The following GAGE10 variants were observed in gnomAD, a reference collection of about 807,000 sequenced individuals.
GAGE10 encodes G antigen 10.
In GAGE10, 9 loss-of-function variants were observed where a neutral mutation model predicts 11.5. That is an observed-to-expected ratio of 0.78 (90% CI 0.47 to 1.37). GAGE10 has a LOEUF of 1.37. GAGE10 is among the 40% of genes most tolerant of loss of function. The probability of loss-of-function intolerance (pLI) is 0.00; values close to 1 mark genes in which losing one functional copy is unlikely to be tolerated. For synonymous variants in GAGE10, 23 were observed against 29.7 expected (o/e 0.77, Z 0.73); for missense variants, 83 against 92.9 (o/e 0.89, Z 0.44).
chrX:49,314,664 C>T (rs1209171918), intron 3 of GAGE10, among the ~76,000 whole-genome samples: 4 of 112,020 alleles, frequency 3.6e-5, no homozygotes, highest in Admixed American at 9.5e-5. Flanking sequence ...ATTTCGGGTC[C>T]GTAAGTCATT....
intron 4 of GAGE10, 130 bp downstream of exon 4, chrX:49,317,418 G>T: frequency 9.9e-7 from 1 of 1,011,423 alleles, no homozygotes; most frequent in Non-Finnish European, 1.3e-6. Flanking sequence ...TGGCATCTCG[G>T]CTCATTGGAA....
intron 3 of GAGE10, among the ~76,000 whole-genome samples, chrX:49,308,501 A>T (rs190337165): frequency 8.9e-6 from 1 of 112,183 alleles, no homozygotes. Context: ...GTAAGGAGAA[A>T]GGGCCCAAGG....
At chrX:49,315,351 A>G (rs1557125113) in intron 3 of GAGE10, among the ~76,000 whole-genome samples, 1 of 112,164 alleles carries the variant, frequency 8.9e-6, no homozygotes, top group East Asian at 2.8e-4. Context: ...GTCAAAAAGG[A>G]TGTAGACATA....
intron 3 of GAGE10, among the ~76,000 whole-genome samples, chrX:49,316,292 T>C (rs1303037823): frequency 1.8e-5 from 2 of 111,977 alleles, no homozygotes; most frequent in African/African-American, 6.5e-5. Context: ...AAACATGTTG[T>C]TCCTTGAAAA....
chrX:49,305,000 T>A (rs1344925319), intron 2 of GAGE10, 60 bp downstream of exon 2: 1 of 1,128,794 alleles, frequency 8.9e-7, no homozygotes, highest in Non-Finnish European at 1.2e-6. Context: ...TTTGTGACAG[T>A]ATTGTTGCAT....
intron 3 of GAGE10, among the ~76,000 whole-genome samples, chrX:49,309,537 T>C (rs1415390001): frequency 1.8e-5 from 2 of 112,503 alleles, no homozygotes; most frequent in Non-Finnish European, 3.8e-5. Context: ...CCAGCTGCTC[T>C]GACGGCTACA....
Position 49,317,535 on chromosome X carries a change from A to G in GAGE10, c.328+247A>G, listed in dbSNP as rs781902104. Among the ~76,000 whole-genome samples the G allele has an allele frequency of 2.7e-5, 3 of 111,311 alleles. No individual in the cohort carries two copies. The South Asian group carries it at 1.1e-3, about 42-fold the overall frequency. ...GCTAATTTTTGTATTTTTAGTAGAG[A>G]CAGGGTTTCATTATGTTGCACAGGT... On this transcript the variant is annotated intron_variant, in intron 4 of 4. Transcript: ENST00000407599.
At chrX:49,314,968 G>A (rs782648090) in intron 3 of GAGE10, among the ~76,000 whole-genome samples, 1 of 112,047 alleles carries the variant, frequency 8.9e-6, no homozygotes, top group Non-Finnish European at 1.9e-5. Context: ...TTCACAGAGA[G>A]AGTAGGAGAA....
chrX:49,313,702 G>A (rs1250298403), intron 3 of GAGE10, among the ~76,000 whole-genome samples: 1 of 111,855 alleles, frequency 8.9e-6, no homozygotes, highest in African/African-American at 3.3e-5. Flanking sequence ...AGTTGCAGGT[G>A]TCACACCTTG....
At chrX:49,316,963 G>C (rs2066394052) in intron 3 of GAGE10, among the ~76,000 whole-genome samples, 200 bp from the exon 4 acceptor site, 2 of 111,078 alleles carry the variant, frequency 1.8e-5, no homozygotes, top group South Asian at 7.8e-4. Flanking sequence ...TGGAAAGGAA[G>C]AGGGTAATAT....
At chrX:49,317,434 G>T (rs1458476809) in intron 4 of GAGE10, 146 bp downstream of exon 4, 17 of 962,435 alleles carry the variant, frequency 1.8e-5, no homozygotes, top group East Asian at 1.1e-4. Context: ...TGGAAATTCC[G>T]CCTTCTGGGT....
intron 3 of GAGE10, among the ~76,000 whole-genome samples, chrX:49,310,761 C>CCG (rs1569531525): frequency 2.7e-5 from 3 of 110,558 alleles, no homozygotes; most frequent in African/African-American, 1.0e-4. Context: ...TTAGCCCCCC[C>CCG]CCACAAAGAA....
intron 3 of GAGE10, among the ~76,000 whole-genome samples, chrX:49,310,733 C>A (rs1458577384): frequency 9.5e-6 from 1 of 105,586 alleles, no homozygotes; most frequent in African/African-American, 3.9e-5. Context: ...GCTGATTTCT[C>A]TGTGGTAACC....
intron 2 of GAGE10, 123 bp downstream of exon 2, chrX:49,305,063 C>T (rs1427928388): frequency 6.0e-6 from 6 of 1,001,383 alleles, no homozygotes; most frequent in Non-Finnish European, 8.1e-6. Flanking sequence ...ATGATGATGG[C>T]GTCTCATGAA....
intron 3 of GAGE10, among the ~76,000 whole-genome samples, chrX:49,316,005 G>A (rs1557125181): frequency 8.9e-6 from 1 of 112,036 alleles, no homozygotes; most frequent in Non-Finnish European, 1.9e-5. Flanking sequence ...GCAAATAATG[G>A]TGCTTGCTAT....
In GAGE10 at chrX:49,317,278, G is replaced by T. The variant is rs1569531604; in HGVS notation, c.318G>T (p.Arg106Ser). ...TGCCAAATCCAGAGGAGGTGAAAAG[G>T]CCTGAAGAAGGTAGGGAATCCATTA... Reference protein sequence around the residue: ...MGLPNPEEVKRPEEGEKQSQC With the variant: ...MGLPNPEEVKSPEEGEKQSQC Residue 106 changes from arginine to serine, a missense_variant, in exon 4 of 5, where the codon AGG (arginine) becomes AGT (serine). Arg to Ser is a moderately radical substitution (Grantham distance 110). This residue lies in a region of GAGE10 where 66 missense variants were observed against 35.4 expected (regional missense o/e 1.87). Coordinates refer to ENST00000407599, the MANE Select transcript of GAGE10 (RefSeq NM_001098413.4). 2 of 1,205,896 alleles carry T rather than the reference G, an allele frequency of 1.7e-6. No homozygotes were observed. The highest frequency in any genetic ancestry group is 2.2e-6 in the Non-Finnish European group (2 of 891,928).
chrX:49,307,543 A>G (rs1557124299), intron 3 of GAGE10, among the ~76,000 whole-genome samples: 1 of 109,387 alleles, frequency 9.1e-6, no homozygotes, highest in Non-Finnish European at 1.9e-5. Flanking sequence ...CAGTAGTGCA[A>G]TCTTGGCTCA....
chrX:49,304,599 G>A (rs2066348595), intron 1 of GAGE10, among the ~76,000 whole-genome samples: 1 of 112,171 alleles, frequency 8.9e-6, no homozygotes, highest in African/African-American at 3.2e-5. Context: ...GGAGACTGCG[G>A]GACCAAAAGA....
intron 3 of GAGE10, among the ~76,000 whole-genome samples, chrX:49,315,147 G>A (rs1443071079): frequency 1.8e-5 from 2 of 111,862 alleles, no homozygotes; most frequent in African/African-American, 3.3e-5. Flanking sequence ...GCACCCTCTG[G>A]CCTATATTGG....
Sources: allele counts gnomAD v4.1 joint callset (sites outside exome capture counted in the v4.1 genomes callset), GRCh38; gene constraint gnomAD v4.1.1; regional missense constraint gnomAD v4.1.1; transcripts MANE v1.5; gene names NCBI Gene and HGNC (gene_info 2026-07-23, HGNC 2026-07-21).